Variants in AKT3 observed in about 807,000 individuals in gnomAD.
AKT3 encodes AKT serine/threonine kinase 3, also known as RAC-gamma serine/threonine-protein kinase.
AKT3 carries 15 observed loss-of-function variants against 65.3 expected under a neutral mutation model. That is an observed-to-expected ratio of 0.23 (90% CI 0.15 to 0.35). AKT3 has a LOEUF of 0.35. Among genes scored for constraint, AKT3 ranks in the 10% least tolerant of loss-of-function variants. AKT3 has a pLI of 1.00. For missense variants in AKT3, 243 were observed against 576.5 expected (o/e 0.42, Z 5.92); for synonymous variants, 206 against 183.8 (o/e 1.12, Z -0.98).
chr1:243,683,393 T>C (rs1282853615), intron 3 of AKT3, among the ~76,000 whole-genome samples: 3 of 152,262 alleles, frequency 2.0e-5, no homozygotes, highest in East Asian at 3.9e-4. Context: ...AAAAAATATA[T>C]TTAAATATTA....
chr1:243,647,973 G>A (rs979705669), intron 4 of AKT3, among the ~76,000 whole-genome samples: 3 of 151,896 alleles, frequency 2.0e-5, no homozygotes, highest in African/African-American at 4.8e-5. Context: ...TTTGTCAAAT[G>A]TAGGCCAGGT....
chr1:243,579,914 A>G (rs1675208016), intron 8 of AKT3, among the ~76,000 whole-genome samples: 1 of 152,220 alleles, frequency 6.6e-6, no homozygotes, highest in Non-Finnish European at 1.5e-5. Flanking sequence ...TCATAACAAA[A>G]TAAAATTTAT....
Position 243,500,775 on chromosome 1 carries a change from C to T in AKT3, c.*4474G>A, listed in dbSNP as rs192666357. 6.5e-5 allele frequency: 14 copies of T among 214,576 alleles called. No individual in the cohort carries two copies. In the East Asian group the frequency reaches 8.5e-4, roughly 13 times the overall value. 13.3% of individuals were successfully genotyped at this position (214,576 alleles called of 1,614,324 possible). A position where few individuals can be genotyped will look rare whatever the true frequency, so the allele number is the denominator to read the frequency against. On this transcript the variant is annotated 3_prime_UTR_variant, in exon 14 of 14. Coordinates refer to ENST00000673466, the MANE Select transcript of AKT3 (RefSeq NM_005465.7). ...AGTGATGTGGATTAGGCTTTGGAGGCGGTGGCATGATCTACACACAGAGAC... is the reference window on the plus strand; with the variant it reads ...AGTGATGTGGATTAGGCTTTGGAGGTGGTGGCATGATCTACACACAGAGAC...
rs140276471 is a variant in AKT3 at position 243,548,812 on chromosome 1, G to A, written c.1164-3215C>T. On this transcript the variant is annotated intron_variant, in intron 11 of 13. Coordinates refer to ENST00000673466, the MANE Select transcript of AKT3 (RefSeq NM_005465.7). ...GGCTAACAGAATGAACAGAAAGGAT[G>A]GAGACTAAGAAATAAAAGCAAAATG... Among the ~76,000 whole-genome samples the A allele has an allele frequency of 5.3e-5, 8 of 152,206 alleles. No homozygotes were observed. The East Asian group carries it at 7.7e-4, about 15-fold the overall frequency.
intron 3 of AKT3, among the ~76,000 whole-genome samples, chr1:243,677,800 A>T (rs987114940): frequency 6.6e-6 from 1 of 152,116 alleles, no homozygotes; most frequent in Non-Finnish European, 1.5e-5. Flanking sequence ...AAAATCAACT[A>T]TAGAGGGTAG....
chr1:243,514,567 A>G (rs969530738), intron 12 of AKT3, among the ~76,000 whole-genome samples: 27 of 152,204 alleles, frequency 1.8e-4, no homozygotes, highest in East Asian at 5.8e-4. Context: ...GTTACTGTCA[A>G]TGTTCATCAC....
chr1:243,714,964 A>G (rs1686409868), intron 2 of AKT3, among the ~76,000 whole-genome samples: 1 of 152,142 alleles, frequency 6.6e-6, no homozygotes, highest in Non-Finnish European at 1.5e-5. Context: ...GACATACTCA[A>G]CTAGAACTCA....
At chr1:243,560,512 T>TC (rs1256148666) in intron 10 of AKT3, among the ~76,000 whole-genome samples, 1 of 152,116 alleles carries the variant, frequency 6.6e-6, no homozygotes, top group Non-Finnish European at 1.5e-5. Flanking sequence ...TCAAGATTTC[T>TC]CATACTCAAA....
At chr1:243,818,353 C>T (rs1693653523) in intron 2 of AKT3, among the ~76,000 whole-genome samples, 1 of 152,080 alleles carries the variant, frequency 6.6e-6, no homozygotes, top group African/African-American at 2.4e-5. Context: ...AGTCTTTTTT[C>T]CCCACTAGAC....
At chr1:243,667,294 A>T (rs868388974) in intron 3 of AKT3, among the ~76,000 whole-genome samples, 1 of 152,156 alleles carries the variant, frequency 6.6e-6, no homozygotes. Flanking sequence ...TAAGTTAAAG[A>T]CAGAAACTGT....
chr1:243,808,319 G>T (rs1027881457), intron 2 of AKT3: 1 of 152,142 alleles, frequency 6.6e-6, no homozygotes, highest in East Asian at 1.9e-4. Flanking sequence ...AATAACCAAT[G>T]CAGAGAAGTC....
In AKT3 at chr1:243,695,730, G is replaced by T. The variant is rs759776949; in HGVS notation, c.47-14C>A. On this transcript the variant is annotated splice_polypyrimidine_tract_variant and intron_variant, in intron 2 of 13. Coordinates refer to ENST00000673466, the MANE Select transcript of AKT3 (RefSeq NM_005465.7). ...TTATATATTCTCCTACATGAGGAAA[G>T]CACGCATGTTAATGCTGAAAAAAAT... 28 of 1,574,272 alleles carry T rather than the reference G, an allele frequency of 1.8e-5. No individual in the cohort carries two copies. In the South Asian group the frequency reaches 3.3e-4, roughly 19 times the overall value.
At chr1:243,736,240 A>G (rs1687835746) in intron 2 of AKT3, among the ~76,000 whole-genome samples, 2 of 152,192 alleles carry the variant, frequency 1.3e-5, no homozygotes, top group Admixed American at 1.3e-4. Flanking sequence ...TACCACAGAA[A>G]GTTGTTCTAA....
chr1:243,526,391 T>C (rs1558588539), intron 12 of AKT3, among the ~76,000 whole-genome samples: 1 of 151,694 alleles, frequency 6.6e-6, no homozygotes, highest in Non-Finnish European at 1.5e-5. Flanking sequence ...CAGGAGGAGG[T>C]GGAGCTGATG....
intron 3 of AKT3, among the ~76,000 whole-genome samples, chr1:243,694,952 G>C (rs1684965898): frequency 6.6e-6 from 1 of 151,884 alleles, no homozygotes; most frequent in African/African-American, 2.4e-5. Context: ...TTAACACAAA[G>C]ATTCTCTAAT....
intron 2 of AKT3, among the ~76,000 whole-genome samples, chr1:243,832,500 T>C (rs1212699861): frequency 6.6e-6 from 1 of 152,168 alleles, no homozygotes; most frequent in Non-Finnish European, 1.5e-5. Flanking sequence ...CTAACCCTTC[T>C]ATATATAAAA....
chr1:243,688,759 T>C (rs555714158), intron 3 of AKT3, among the ~76,000 whole-genome samples: 10 of 152,274 alleles, frequency 6.6e-5, no homozygotes, highest in African/African-American at 1.9e-4. Flanking sequence ...AAACCGGATG[T>C]TCAAAAATTT....
intron 2 of AKT3, among the ~76,000 whole-genome samples, chr1:243,757,473 C>T (rs932776717): frequency 3.3e-5 from 5 of 152,010 alleles, no homozygotes; most frequent in African/African-American, 1.2e-4. Context: ...CAAAAATTAG[C>T]TGGGCGTGGT....
intron 2 of AKT3, among the ~76,000 whole-genome samples, chr1:243,753,148 T>C (rs1339488961): frequency 3.3e-5 from 5 of 152,204 alleles, no homozygotes; most frequent in Non-Finnish European, 1.5e-5. Flanking sequence ...ACACAAAGAA[T>C]GCGAACTGCT....
Sources: gnomAD v4.1 joint callset for allele counts (sites outside exome capture counted in the v4.1 genomes callset) on GRCh38, gnomAD v4.1.1 for gene constraint, MANE v1.5 for transcripts, NCBI Gene and HGNC (gene_info 2026-07-23, HGNC 2026-07-21) for gene names.